KLHL1: variants seen among roughly 807,000 people sequenced by gnomAD.
KLHL1 encodes the protein kelch like family member 1.
KLHL1 carries 47 observed loss-of-function variants against 77.7 expected under a neutral mutation model. The observed-to-expected ratio is 0.60, with a 90% CI of 0.48 to 0.77. The LOEUF (loss-of-function observed/expected upper bound fraction) is 0.77, where lower values mean the gene tolerates loss of function less well. KLHL1 is among the 30% of genes least tolerant of loss of function. KLHL1 has a pLI of 0.00. For missense variants in KLHL1, 925 were observed against 910.8 expected, an observed-to-expected ratio of 1.02 and a Z score of -0.20; for synonymous variants, 360 against 325.2, an observed-to-expected ratio of 1.11 and a Z score of -1.15.
In KLHL1 at chr13:69,980,455, T is replaced by A. The variant is rs142394859; in HGVS notation, c.498-4653A>T. ...CTGTATGATCTGATGCTTTCTACAA[T>A]TTGTGTGATCCTTCAAACCAAGCTC... On this transcript the variant is annotated intron_variant, in intron 1 of 10. Transcript: ENST00000377844. Among the ~76,000 whole-genome samples the A allele has an allele frequency of 3.4e-3, 518 of 152,284 alleles. 3 individuals are homozygous for A. The highest frequency in any genetic ancestry group is 0.012 in the African/African-American group (491 of 41,560).
rs147445399 is a variant in KLHL1, at chr13:70,013,700, G to C, written c.498-37898C>G. Among the ~76,000 whole-genome samples the C allele has an allele frequency of 8.4e-3, 1,284 of 152,082 alleles. 13 individuals carry two copies. Among genetic ancestry groups the C allele is most frequent in the African/African-American group, 0.022 (895 of 41,494 alleles). On this transcript the variant is annotated intron_variant, in intron 1 of 10. Transcript: ENST00000377844. ...ATTTTAAATACTATAAAATATTTGA[G>C]AGCTGTTCAAAAACAAATTTCTAGG...
At chr13:69,884,446 A>T (rs1001203982) in intron 4 of KLHL1, among the ~76,000 whole-genome samples, 1 of 150,906 alleles carries the variant, frequency 6.6e-6, no homozygotes. Context: ...AAAAAAAAAA[A>T]CTACGTGAAG....
At chr13:69,788,741 T>A (rs1197461718) in intron 7 of KLHL1, among the ~76,000 whole-genome samples, 1 of 152,078 alleles carries the variant, frequency 6.6e-6, no homozygotes, top group Admixed American at 6.6e-5. Flanking sequence ...ATAAATAATA[T>A]TAAGCAATAA....
At chr13:69,774,686 G>C (rs1875742603) in intron 7 of KLHL1, among the ~76,000 whole-genome samples, 1 of 151,660 alleles carries the variant, frequency 6.6e-6, no homozygotes, top group African/African-American at 2.4e-5. Context: ...ACACACACAA[G>C]CAAGTAGAAA....
intron 8 of KLHL1, among the ~76,000 whole-genome samples, chr13:69,724,505 T>C (rs1428629387): frequency 3.3e-5 from 5 of 152,082 alleles, no homozygotes; most frequent in African/African-American, 4.8e-5. Context: ...GAGGTCAGCA[T>C]TGCCCTAATA....
At chr13:69,858,829 G>T (rs775732676) in intron 5 of KLHL1, among the ~76,000 whole-genome samples, 5 of 151,998 alleles carry the variant, frequency 3.3e-5, no homozygotes, top group African/African-American at 4.8e-5. Flanking sequence ...AAAGAGTAAG[G>T]CTATTTCAGA....
intron 5 of KLHL1, among the ~76,000 whole-genome samples, chr13:69,872,583 C>T (rs1880624256): frequency 6.6e-6 from 1 of 152,164 alleles, no homozygotes; most frequent in African/African-American, 2.4e-5. Context: ...TGCACCCTCT[C>T]CCCTCTCTAT....
intron 4 of KLHL1, among the ~76,000 whole-genome samples, chr13:69,927,613 C>T (rs894988658): frequency 3.9e-5 from 6 of 152,060 alleles, no homozygotes; most frequent in Non-Finnish European, 8.8e-5. Context: ...CAACATTTCT[C>T]CAAAGAGGAT....
chr13:70,080,540 A>G (rs1887368236), intron 1 of KLHL1, among the ~76,000 whole-genome samples: 2 of 152,184 alleles, frequency 1.3e-5, no homozygotes, highest in South Asian at 4.1e-4. Context: ...GCCAGTTACA[A>G]TCATGTTAGA....
chr13:69,803,849 C>T (rs1303134836), intron 6 of KLHL1, among the ~76,000 whole-genome samples: 1 of 152,122 alleles, frequency 6.6e-6, no homozygotes, highest in Non-Finnish European at 1.5e-5. Flanking sequence ...AGTTCTACAA[C>T]CACAAGGAAT....
rs1210732661 is a variant in KLHL1, at chr13:69,839,053, A to C, written c.1337T>G (p.Met446Arg). Reference sequence around the variant, plus strand: ...TCTGGGTTTAGTTCTCGGACTTTGCATTAAAGTTCTTCTTTCTGGCAATAG... The same window carrying C: ...TCTGGGTTTAGTTCTCGGACTTTGCCTTAAAGTTCTTCTTTCTGGCAATAG... ...YHLLPERRTL[M>R]QSPRTKPRKS... is the part of the protein sequence containing the mutation. The change falls in exon 6 of 11, where the codon ATG becomes AGG. Residue 446 changes from methionine to arginine, a missense_variant. Physicochemically the swap from Met to Arg is moderately conservative, Grantham distance 91. Coordinates refer to ENST00000377844, the MANE Select transcript of KLHL1 (RefSeq NM_020866.3). 1 of 1,611,356 alleles carries C rather than the reference A, an allele frequency of 6.2e-7. No individual in the cohort carries two copies. Among genetic ancestry groups the C allele is most frequent in the Admixed American group, 1.7e-5 (1 of 59,750 alleles).
At chr13:70,005,564 T>A (rs1394535337) in intron 1 of KLHL1, among the ~76,000 whole-genome samples, 3 of 151,882 alleles carry the variant, frequency 2.0e-5, no homozygotes. Context: ...TGGCCCAGGG[T>A]AGCCAAAAGA....
At chr13:69,861,858 A>C (rs1011144067) in intron 5 of KLHL1, among the ~76,000 whole-genome samples, 9 of 150,468 alleles carry the variant, frequency 6.0e-5, no homozygotes, top group African/African-American at 2.2e-4. Flanking sequence ...CTAGCTACTC[A>C]GGAGTCTGAG....
chr13:69,833,799 C>CTATA (rs34158219), intron 6 of KLHL1, among the ~76,000 whole-genome samples: 1 of 144,726 alleles, frequency 6.9e-6, no homozygotes, highest in East Asian at 2.0e-4. Context: ...TTGTTGTGTT[C>CTATA]TATATATATA....
At chr13:70,016,771 C>G (rs1008317862) in intron 1 of KLHL1, among the ~76,000 whole-genome samples, 1 of 152,118 alleles carries the variant, frequency 6.6e-6, no homozygotes, top group Admixed American at 6.6e-5. Flanking sequence ...AGCTCACCTT[C>G]AAGCCAGGGG....
intron 7 of KLHL1, among the ~76,000 whole-genome samples, chr13:69,748,335 G>A (rs1209632347): frequency 6.6e-6 from 1 of 152,050 alleles, no homozygotes; most frequent in Non-Finnish European, 1.5e-5. Context: ...GTTGCACATG[G>A]CTGAGGAGGC....
intron 4 of KLHL1, among the ~76,000 whole-genome samples, chr13:69,924,854 G>A (rs1410997517): frequency 6.6e-6 from 1 of 152,190 alleles, no homozygotes; most frequent in African/African-American, 2.4e-5. Flanking sequence ...GTTCCCCAGT[G>A]CCAGCTGTGG....
At chr13:69,849,821 T>A (rs1206836834) in intron 5 of KLHL1, among the ~76,000 whole-genome samples, 1 of 151,538 alleles carries the variant, frequency 6.6e-6, no homozygotes, top group Admixed American at 6.6e-5. Flanking sequence ...GATTATTTAC[T>A]GTCATTCTTG....
At chr13:69,939,301 G>C (rs1883276510) in intron 4 of KLHL1, among the ~76,000 whole-genome samples, 1 of 128,920 alleles carries the variant, frequency 7.8e-6, no homozygotes, top group Non-Finnish European at 1.6e-5. Context: ...TCTCTACAAA[G>C]CTGTTAAATA....
Sources: allele counts gnomAD v4.1 joint callset (sites outside exome capture counted in the v4.1 genomes callset), GRCh38; gene constraint gnomAD v4.1.1; transcripts MANE v1.5; gene names NCBI Gene and HGNC (gene_info 2026-07-23, HGNC 2026-07-21).